Variants in DRGX observed in about 807,000 individuals in gnomAD.
DRGX encodes the protein dorsal root ganglia homeobox protein.
In DRGX, 21 loss-of-function variants were observed where a neutral mutation model predicts 28.6. That is an observed-to-expected ratio of 0.73 (90% CI 0.52 to 1.06). The LOEUF (loss-of-function observed/expected upper bound fraction) is 1.06. DRGX is among the 50% of genes least tolerant of loss of function. The pLI is 0.00. For missense variants in DRGX, 354 were observed against 343.9 expected, an observed-to-expected ratio of 1.03 and a Z score of -0.23; for synonymous variants, 136 against 139.1, an observed-to-expected ratio of 0.98 and a Z score of 0.16.
chr10:49,393,772 C>G (rs970122164), intron 2 of DRGX, among the ~76,000 whole-genome samples: 6 of 152,204 alleles, frequency 3.9e-5, no homozygotes, highest in African/African-American at 1.4e-4. Context: ...TCCTTTTCTT[C>G]TGGTTATATC....
chr10:49,369,457 G>T (rs550153512), intron 6 of DRGX, among the ~76,000 whole-genome samples: 2 of 152,302 alleles, frequency 1.3e-5, no homozygotes, highest in African/African-American at 2.4e-5. Context: ...TCCAACAGGG[G>T]TCATTATGAA....
chr10:49,376,591 C>T (rs1849719634), intron 6 of DRGX, among the ~76,000 whole-genome samples: 1 of 152,212 alleles, frequency 6.6e-6, no homozygotes, highest in African/African-American at 2.4e-5. Context: ...AACATCATGA[C>T]TCTAACAACA....
chr10:49,395,558 T>A, intron 1 of DRGX, 37 bp from the exon 2 acceptor site: 1 of 1,275,340 alleles, frequency 7.8e-7, no homozygotes, highest in Non-Finnish European at 1.1e-6. Flanking sequence ...CAAGTCTCCC[T>A]CTGCCAGCGC....
chr10:49,375,021 G>A (rs183944143), intron 6 of DRGX, among the ~76,000 whole-genome samples: 4 of 152,324 alleles, frequency 2.6e-5, no homozygotes. Flanking sequence ...AGTTCACAAG[G>A]AGAGTTTAAG....
intron 6 of DRGX, among the ~76,000 whole-genome samples, chr10:49,379,916 G>GC (rs1849756092): frequency 6.6e-6 from 1 of 152,224 alleles, no homozygotes. Context: ...ACTCCTCCCA[G>GC]CCTGGGCCTT....
intron 6 of DRGX, among the ~76,000 whole-genome samples, chr10:49,369,000 C>T (rs2132468868): frequency 6.6e-6 from 1 of 152,292 alleles, no homozygotes; most frequent in African/African-American, 2.4e-5. Flanking sequence ...TGGGCTCAAT[C>T]CATCTCAGGC....
At chr10:49,391,777 TTTCTC>T (rs1227136881) in intron 2 of DRGX, 4 of 488,922 alleles carry the variant, frequency 8.2e-6, no homozygotes, top group Admixed American at 2.2e-5. Flanking sequence ...TCACGGCACT[TTTCTC>T]TTATAAGTGC....
intron 4 of DRGX, among the ~76,000 whole-genome samples, chr10:49,389,269 C>T (rs1416383405): frequency 6.6e-6 from 1 of 152,130 alleles, no homozygotes; most frequent in Non-Finnish European, 1.5e-5. Flanking sequence ...CTCTCTTCAG[C>T]CATTGGTTTT....
chr10:49,383,553 T>C (rs1849800301), intron 6 of DRGX, among the ~76,000 whole-genome samples: 1 of 152,172 alleles, frequency 6.6e-6, no homozygotes, highest in Non-Finnish European at 1.5e-5. Context: ...CCCAAAGACT[T>C]GGAGGCAACA....
chr10:49,392,022 G>T (rs1849912174), intron 2 of DRGX, among the ~76,000 whole-genome samples: 1 of 152,198 alleles, frequency 6.6e-6, no homozygotes. Context: ...ACAAAAGAAA[G>T]ACATTGTCCT....
intron 4 of DRGX, among the ~76,000 whole-genome samples, chr10:49,387,631 C>T (rs1031336996): frequency 2.7e-5 from 4 of 149,986 alleles, no homozygotes; most frequent in African/African-American, 7.4e-5. Context: ...CCACTGCACT[C>T]CAGCCTGGGT....
At chr10:49,374,462 C>T (rs1455266620) in intron 6 of DRGX, among the ~76,000 whole-genome samples, 1 of 152,228 alleles carries the variant, frequency 6.6e-6, no homozygotes, top group African/African-American at 2.4e-5. Flanking sequence ...CCCTTCCTCC[C>T]CCTGGCAGGC....
rs372299739 is a variant in DRGX at position 49,389,840 on chromosome 10, C to CT, written c.234+292dup. On this transcript the variant is annotated intron_variant, in intron 4 of 6. Coordinates refer to ENST00000374139, the MANE Select transcript of DRGX (RefSeq NM_001276451.2). Reference sequence around the variant, plus strand: ...TCTCAGCTCTTTTCTTTCTTTCTTTCTTTTTTTTTTTTTTTCCAAAGCAAG... The same window carrying CT: ...TCTCAGCTCTTTTCTTTCTTTCTTTCTTTTTTTTTTTTTTTTCCAAAGCAAG... Among the ~76,000 whole-genome samples, 959 of 137,904 alleles carry CT rather than the reference C, an allele frequency of 7.0e-3. 2 individuals are homozygous for CT. Among genetic ancestry groups the CT allele is most frequent in the South Asian group, 0.02 (87 of 4,288 alleles). 90.5% of individuals were successfully genotyped at this position (137,904 alleles called of 152,430 possible). A position where few individuals can be genotyped will look rare whatever the true frequency, so the allele number is the denominator to read the frequency against.
At position 49,395,468 on chromosome 10, in the gene DRGX, C is replaced by G. The variant is rs1208907810; in HGVS notation, c.-28G>C. On this transcript the variant is annotated 5_prime_UTR_variant, in exon 2 of 7. Coordinates refer to ENST00000374139, the MANE Select transcript of DRGX (RefSeq NM_001276451.2). ...CCGGCTGTCAGATCGGCTGGACGGC[C>G]GAGACCTGGGAGGGTGGCAGCAGAA... 3 of 1,549,602 alleles carry G rather than the reference C, an allele frequency of 1.9e-6. No homozygotes were observed. The highest frequency in any genetic ancestry group is 2.6e-6 in the Non-Finnish European group (3 of 1,146,862).
chr10:49,391,243 T>C lies in DRGX; in HGVS notation c.53A>G (p.Asn18Ser). The part of the protein sequence containing the change: ...PQLEGTATFG[N>S]HSSGDFDDGF... ...GTCATCAAAATCCCCCGAAGAGTGATTGCCAAAGGTTGCAGTGCCTACCAA... is the reference window on the plus strand; with the variant it reads ...GTCATCAAAATCCCCCGAAGAGTGACTGCCAAAGGTTGCAGTGCCTACCAA... The change falls in exon 3 of 7, where the codon AAT becomes AGT. Residue 18 changes from asparagine to serine, a missense_variant. Physicochemically the swap from Asn to Ser is conservative, Grantham distance 46. Transcript: ENST00000374139. The C allele has an allele frequency of 6.2e-7, 1 of 1,610,754 alleles. No homozygotes were observed. The highest frequency in any genetic ancestry group is 2.2e-5 in the East Asian group (1 of 44,784).
intron 2 of DRGX, 56 bp downstream of exon 2, chr10:49,395,351 G>C: frequency 5.8e-6 from 9 of 1,545,654 alleles, no homozygotes; most frequent in Non-Finnish European, 7.0e-6. Context: ...TGCCGCTCCG[G>C]CCCTTTCTGG....
rs901190614 is a variant in DRGX, at chr10:49,364,688, C to T, written c.*1428G>A. Reference sequence around the variant, plus strand: ...ATTTGATTTTTTTCTTTAAAGGAGACAGTGGGTTTTATCAAATGCTTCGTA... The same window carrying T: ...ATTTGATTTTTTTCTTTAAAGGAGATAGTGGGTTTTATCAAATGCTTCGTA... On this transcript the variant is annotated 3_prime_UTR_variant, in exon 7 of 7. Coordinates refer to ENST00000374139, the MANE Select transcript of DRGX (RefSeq NM_001276451.2). 1.3e-5 allele frequency: 2 copies of T among 151,862 alleles called. No individual in the cohort carries two copies. Among genetic ancestry groups the T allele is most frequent in the African/African-American group, 4.8e-5 (2 of 41,314 alleles). 9.4% of individuals were successfully genotyped at this position (151,862 alleles called of 1,614,324 possible).
Position 49,390,133 on chromosome 10 carries a change from C to T in DRGX, c.234G>A (p.Gln78=). Residue 78 remains glutamine, a splice_region_variant and synonymous_variant, in exon 4 of 7, where the codon CAG becomes CAA. Coordinates refer to ENST00000374139, the MANE Select transcript of DRGX (RefSeq NM_001276451.2). ...MKINLTEARV[Q]VWFQNRRAKW... is the part of the protein sequence containing the mutation. ...TTAAATAATTAAAAAGAAGGTTTAC[C>T]TGCACTCTGGCTTCTGTGAGGTTTA... is the stretch of plus-strand genomic sequence containing the variant. The T allele has an allele frequency of 6.2e-7, 1 of 1,607,742 alleles. No homozygotes were observed. Among genetic ancestry groups the T allele is most frequent in the Admixed American group, 1.7e-5 (1 of 59,246 alleles).
chr10:49,394,444 T>TA (rs925021328), intron 2 of DRGX, among the ~76,000 whole-genome samples: 8 of 152,104 alleles, frequency 5.3e-5, no homozygotes, highest in Non-Finnish European at 1.0e-4. Context: ...ACCACAATAA[T>TA]AAATCAAACG....
Sources: gnomAD v4.1 joint callset for allele counts (sites outside exome capture counted in the v4.1 genomes callset) on GRCh38, gnomAD v4.1.1 for gene constraint, MANE v1.5 for transcripts, NCBI Gene and HGNC (gene_info 2026-07-23, HGNC 2026-07-21) for gene names.